Variants in SDK2 observed in about 807,000 individuals in gnomAD.
SDK2 encodes sidekick cell adhesion molecule 2, also known as protein sidekick-2.
In SDK2, 105 loss-of-function variants were observed where a neutral mutation model predicts 253.9. The ratio of observed to expected loss-of-function variants is 0.41; its 90% CI spans 0.35 to 0.49. The LOEUF (loss-of-function observed/expected upper bound fraction) is 0.49. Ranked by LOEUF, SDK2 falls within the 20% of genes least tolerant of loss-of-function variation. The pLI is 0.06. For missense variants in SDK2, 2,608 were observed against 3,003.0 expected (o/e 0.87, Z 3.07); for synonymous variants, 1,249 against 1,234.9 (o/e 1.01, Z -0.24).
Position 73,336,877 on chromosome 17 carries a change from T to TGGGCTGGCCTTACA in SDK2, c.*1696_*1709dup, listed in dbSNP as rs375071476. ...CCCATCTCAGCGGTGGGGCAGGTGT[T>TGGGCTGGCCTTACA]GGGCTGGCCTTACAGGGCTGGCTGA... On this transcript the variant is annotated 3_prime_UTR_variant, in exon 45 of 45. Transcript: ENST00000392650. The TGGGCTGGCCTTACA allele has an allele frequency of 0.033, 5,028 of 152,666 alleles. 196 individuals carry two copies. Among genetic ancestry groups the TGGGCTGGCCTTACA allele is most frequent in the African/African-American group, 0.097 (4,033 of 41,498 alleles). 9.5% of individuals were successfully genotyped at this position (152,666 alleles called of 1,614,324 possible).
intron 1 of SDK2, among the ~76,000 whole-genome samples, chr17:73,531,571 T>C (rs556522072): frequency 6.6e-6 from 1 of 152,320 alleles, no homozygotes; most frequent in South Asian, 2.1e-4. Context: ...AAGCCACCCC[T>C]GCCCCATCTC....
At chr17:73,598,763 G>A (rs1239217884) in intron 1 of SDK2, among the ~76,000 whole-genome samples, 1 of 152,166 alleles carries the variant, frequency 6.6e-6, no homozygotes, top group African/African-American at 2.4e-5. Context: ...TCCAGCAGGG[G>A]AAGGTGGGAG....
chr17:73,550,917 C>A (rs2045046729), intron 1 of SDK2, among the ~76,000 whole-genome samples: 1 of 152,050 alleles, frequency 6.6e-6, no homozygotes, highest in Non-Finnish European at 1.5e-5. Flanking sequence ...CTCATGGAAG[C>A]CAGTGGAGGC....
chr17:73,380,807 C>T, intron 34 of SDK2, 87 bp downstream of exon 34: 14 of 1,225,808 alleles, frequency 1.1e-5, no homozygotes, highest in Non-Finnish European at 1.6e-5. Flanking sequence ...CCCCCTCAAC[C>T]TGTGATCAGG....
intron 37 of SDK2, among the ~76,000 whole-genome samples, chr17:73,365,943 C>T (rs2062681136): frequency 6.6e-6 from 1 of 152,120 alleles, no homozygotes; most frequent in Non-Finnish European, 1.5e-5. Flanking sequence ...GACAGTCAGA[C>T]CCTCTGGGAG....
At chr17:73,535,015 C>T (rs1426499295) in intron 1 of SDK2, among the ~76,000 whole-genome samples, 2 of 152,158 alleles carry the variant, frequency 1.3e-5, no homozygotes, top group Admixed American at 6.5e-5. Flanking sequence ...AAGGAGCCCC[C>T]AGGACATCCT....
At chr17:73,453,750 C>G (rs575292022) in intron 4 of SDK2, among the ~76,000 whole-genome samples, 1 of 152,106 alleles carries the variant, frequency 6.6e-6, no homozygotes, top group Non-Finnish European at 1.5e-5. Context: ...TGGTTCTTAA[C>G]CCTGGCTTCA....
At chr17:73,581,393 G>A (rs2045532291) in intron 1 of SDK2, among the ~76,000 whole-genome samples, 1 of 152,114 alleles carries the variant, frequency 6.6e-6, no homozygotes, top group African/African-American at 2.4e-5. Context: ...AGTTTCTTGG[G>A]CCTTCCACAG....
At chr17:73,530,140 C>T (rs2064157934) in intron 1 of SDK2, among the ~76,000 whole-genome samples, 1 of 152,210 alleles carries the variant, frequency 6.6e-6, no homozygotes, top group African/African-American at 2.4e-5. Context: ...TCCTCTCTGG[C>T]AACTGTTTAT....
chr17:73,458,829 C>T (rs1255227046), intron 3 of SDK2, among the ~76,000 whole-genome samples: 1 of 152,106 alleles, frequency 6.6e-6, no homozygotes, highest in Non-Finnish European at 1.5e-5. Flanking sequence ...CATGGTGAAA[C>T]CCCGTCTACA....
At chr17:73,530,934 G>A (rs752928612) in intron 1 of SDK2, among the ~76,000 whole-genome samples, 58 of 152,148 alleles carry the variant, frequency 3.8e-4, no homozygotes, top group Admixed American at 1.8e-3. Flanking sequence ...AGGGAGGCTT[G>A]AGGGATCTCT....
At chr17:73,544,131 C>T (rs980030070) in intron 1 of SDK2, among the ~76,000 whole-genome samples, 8 of 152,242 alleles carry the variant, frequency 5.3e-5, no homozygotes, top group Non-Finnish European at 7.3e-5. Context: ...CCCATAATGA[C>T]GGTCCCCTGT....
In SDK2 at chr17:73,338,332, C is replaced by T. The variant is rs1308266317; in HGVS notation, c.*255G>A. 1 of 638,976 alleles carries T rather than the reference C, an allele frequency of 1.6e-6. No individual in the cohort carries two copies. The highest frequency in any genetic ancestry group is 1.5e-5 in the South Asian group (1 of 66,148). 39.6% of individuals were successfully genotyped at this position (638,976 alleles called of 1,614,324 possible). The stretch of plus-strand genomic sequence containing the variant: ...CAGTGACACAGCCACTTCCCCAGCT[C>T]CGTGTAATTCCCAAGGGAGCAGTGA... On this transcript the variant is annotated 3_prime_UTR_variant, in exon 45 of 45. Coordinates refer to ENST00000392650, the MANE Select transcript of SDK2 (RefSeq NM_001144952.2). The surrounding 1 kb of genome is among the most constrained non-coding windows in gnomAD (Gnocchi z 5.0).
chr17:73,401,651 T>C lies in SDK2; in HGVS notation c.2779+3A>G, dbSNP rs1404198268. The C allele has an allele frequency of 3.2e-6, 5 of 1,582,436 alleles. No homozygotes were observed. Among genetic ancestry groups the C allele is most frequent in the Non-Finnish European group, 4.3e-6 (5 of 1,162,496 alleles). ...TCTGGTTCAGAAACACTGCAGTGCCTACCTGTGAGGATGCCATTTTTCTCT... is the reference window on the plus strand; with the variant it reads ...TCTGGTTCAGAAACACTGCAGTGCCCACCTGTGAGGATGCCATTTTTCTCT... On this transcript the variant is annotated splice_donor_region_variant and intron_variant, in intron 20 of 44. Transcript: ENST00000392650.
rs1242211374 is a variant in SDK2, at chr17:73,383,227, C to T, written c.4705+649G>A. Among the ~76,000 whole-genome samples the T allele has an allele frequency of 6.6e-6, 1 of 152,214 alleles. No individual in the cohort carries two copies. Among genetic ancestry groups the T allele is most frequent in the East Asian group, 1.9e-4 (1 of 5,192 alleles). ...CCTCCCACCATGGCCAAGCCATCAT[C>T]CTCATGCCACCAAAGTGGCTCCTAA... is the stretch of plus-strand genomic sequence containing the variant. On this transcript the variant is annotated intron_variant, in intron 33 of 44. Coordinates refer to ENST00000392650, the MANE Select transcript of SDK2 (RefSeq NM_001144952.2). This position sits in a 1 kb window ranked among gnomAD's most constrained non-coding sequence, Gnocchi z 4.3.
At chr17:73,414,504 T>C in intron 18 of SDK2, 140 bp downstream of exon 18, 1 of 663,006 alleles carries the variant, frequency 1.5e-6, no homozygotes, top group South Asian at 1.8e-5. Context: ...TCTTTTCCTC[T>C]AATGTGTGTC....
At chr17:73,482,613 C>T (rs1006349390) in intron 2 of SDK2, among the ~76,000 whole-genome samples, 6 of 152,256 alleles carry the variant, frequency 3.9e-5, no homozygotes, top group Admixed American at 6.5e-5. Context: ...AGGCGTCTGT[C>T]GGCCCTGGGA....
At chr17:73,577,524 C>T (rs112796217) in intron 1 of SDK2, among the ~76,000 whole-genome samples, 69 of 152,186 alleles carry the variant, frequency 4.5e-4, no homozygotes, top group African/African-American at 1.5e-3. Context: ...TTCAGGGCTG[C>T]GGGCATAGGA....
chr17:73,351,621 C>T (rs564441438), intron 41 of SDK2, among the ~76,000 whole-genome samples: 42 of 152,138 alleles, frequency 2.8e-4, no homozygotes, highest in Non-Finnish European at 5.4e-4. Flanking sequence ...AAGATTTACA[C>T]GATCTGAAGA....
Sources: allele counts gnomAD v4.1 joint callset (sites outside exome capture counted in the v4.1 genomes callset), GRCh38; gene constraint gnomAD v4.1.1; non-coding constraint Gnocchi (gnomAD v3.1); transcripts MANE v1.5; gene names NCBI Gene and HGNC (gene_info 2026-07-23, HGNC 2026-07-21).